FAM135A: variants seen among roughly 807,000 people sequenced by gnomAD.
The protein encoded by FAM135A is family with sequence similarity 135 member A.
FAM135A carries 79 observed loss-of-function variants against 146.8 expected under a neutral mutation model. The observed-to-expected ratio is 0.54, with a 90% confidence interval of 0.45 to 0.65. FAM135A has a LOEUF of 0.65. FAM135A is among the 30% of genes least tolerant of loss of function. The pLI is 0.00. For synonymous variants in FAM135A, 562 were observed against 603.6 expected, an observed-to-expected ratio of 0.93 and a Z score of 1.01; for missense variants, 1,623 against 1,758.2, an observed-to-expected ratio of 0.92 and a Z score of 1.38.
chr6:70,452,405 T>A lies in FAM135A; in HGVS notation c.78-87T>A. 3 of 973,742 alleles carry A rather than the reference T, an allele frequency of 3.1e-6. No homozygotes were observed. In the East Asian group the frequency reaches 8.1e-5, roughly 26 times the overall value. 60.3% of individuals were successfully genotyped at this position (973,742 alleles called of 1,614,324 possible). ...TGATATAATTAGGCCAACTTTATTA[T>A]TTTAATATGGATACAAATGTGGAAG... On this transcript the variant is annotated intron_variant, in intron 4 of 21. Coordinates refer to ENST00000418814, the MANE Select transcript of FAM135A (RefSeq NM_001162529.3).
At chr6:70,517,800 A>G (rs1224521867) in intron 12 of FAM135A, among the ~76,000 whole-genome samples, 2 of 152,146 alleles carry the variant, frequency 1.3e-5, no homozygotes, top group Non-Finnish European at 2.9e-5. Context: ...AATTGTTTTG[A>G]AGCACCACAG....
At chr6:70,419,274 C>T (rs933748914) in intron 2 of FAM135A, among the ~76,000 whole-genome samples, 1 of 152,164 alleles carries the variant, frequency 6.6e-6, no homozygotes, top group Non-Finnish European at 1.5e-5. Context: ...CAAAAATTAG[C>T]TGGGCGTGGT....
At chr6:70,425,846 G>T (rs1026502626) in intron 2 of FAM135A, among the ~76,000 whole-genome samples, 29 of 152,206 alleles carry the variant, frequency 1.9e-4, no homozygotes, top group African/African-American at 7.0e-4. Flanking sequence ...GCTCACGCCT[G>T]TAATCCCAGC....
chr6:70,486,876 G>A (rs1166821332), intron 10 of FAM135A, among the ~76,000 whole-genome samples: 5 of 151,744 alleles, frequency 3.3e-5, no homozygotes, highest in East Asian at 1.9e-4. Context: ...GCAGTGAGCC[G>A]AGATCGTGCC....
chr6:70,549,709 C>T (rs942005537), intron 20 of FAM135A, among the ~76,000 whole-genome samples: 2 of 152,116 alleles, frequency 1.3e-5, no homozygotes, highest in Non-Finnish European at 2.9e-5. Flanking sequence ...TTTTGCCAAT[C>T]AGGGTGGTGG....
Position 70,413,937 on chromosome 6 carries a change from C to T in FAM135A, c.-220+235C>T, listed in dbSNP as rs1320417432. On this transcript the variant is annotated intron_variant, in intron 1 of 21. Coordinates refer to ENST00000418814, the MANE Select transcript of FAM135A (RefSeq NM_001162529.3). ...GGAGGCGAGGGGCCGCGGCGCGCTG[C>T]TCTCCCGGTGCCCGCGGCCGCCCCT... 4.1e-6 allele frequency: 4 copies of T among 985,536 alleles called. No individual in the cohort carries two copies. In the South Asian group the frequency reaches 1.4e-4, roughly 35 times the overall value. 61.0% of individuals were successfully genotyped at this position (985,536 alleles called of 1,614,324 possible).
chr6:70,487,289 C>A (rs1416585853), intron 10 of FAM135A, among the ~76,000 whole-genome samples: 2 of 151,820 alleles, frequency 1.3e-5, no homozygotes, highest in African/African-American at 2.4e-5. Context: ...ATGTTCTGAT[C>A]TCATTATTTT....
rs1057283067 is a variant in FAM135A at position 70,525,917 on chromosome 6, G to T, written c.2833G>T (p.Asp945Tyr). The change falls in exon 15 of 22, where the codon GAT becomes TAT. Residue 945 changes from aspartate (D) to tyrosine (Y), a missense_variant. Asp to Tyr is a radical substitution (Grantham distance 160). Transcript: ENST00000418814. ...TAGTTGCAGCTCCAAACCTAACTTG[G>T]ATACTATGTGTAAAGGCTTCCAGAG... ...KSSCSSKPNL[D>Y]TMCKGFQSPD... The T allele has an allele frequency of 2.5e-6, 4 of 1,613,146 alleles. No individual in the cohort carries two copies. Among genetic ancestry groups the T allele is most frequent in the Non-Finnish European group, 3.4e-6 (4 of 1,179,576 alleles).
At chr6:70,556,652 C>CT (rs1371261064) in intron 20 of FAM135A, 98 bp from the exon 21 acceptor site, 28 of 730,598 alleles carry the variant, frequency 3.8e-5, no homozygotes, top group Non-Finnish European at 5.9e-5. Context: ...CTTAGTACTG[C>CT]TAAGGAAATT....
intron 20 of FAM135A, among the ~76,000 whole-genome samples, chr6:70,550,341 C>T (rs72917978): frequency 6.6e-6 from 1 of 152,168 alleles, no homozygotes; most frequent in Non-Finnish European, 1.5e-5. Context: ...CAGCTATCAC[C>T]TTACAAAATG....
chr6:70,552,785 A>C (rs1800080857), intron 20 of FAM135A, among the ~76,000 whole-genome samples: 1 of 152,026 alleles, frequency 6.6e-6, no homozygotes, highest in Non-Finnish European at 1.5e-5. Flanking sequence ...TTCAGTTCTA[A>C]AAATAAAAAA....
At chr6:70,506,628 G>A (rs1441008883) in intron 12 of FAM135A, among the ~76,000 whole-genome samples, 1 of 151,582 alleles carries the variant, frequency 6.6e-6, no homozygotes, top group East Asian at 1.9e-4. Flanking sequence ...TCTGTTTGAA[G>A]GTTATTTTTA....
chr6:70,527,364 T>C (rs1394896151), intron 15 of FAM135A, among the ~76,000 whole-genome samples: 1 of 152,100 alleles, frequency 6.6e-6, no homozygotes, highest in Non-Finnish European at 1.5e-5. Flanking sequence ...TCTTGGCATG[T>C]ATATATATAG....
In FAM135A at chr6:70,495,575, T is replaced by C. The variant is rs185695642; in HGVS notation, c.873+4492T>C. Among the ~76,000 whole-genome samples, 782 of 152,314 alleles carry C rather than the reference T, an allele frequency of 5.1e-3. 5 individuals carry two copies. Among genetic ancestry groups the C allele is most frequent in the South Asian group, 0.035 (169 of 4,828 alleles). On this transcript the variant is annotated intron_variant, in intron 11 of 21. Coordinates refer to ENST00000418814, the MANE Select transcript of FAM135A (RefSeq NM_001162529.3). ...ATAAACTGAGAGTAACAGTATCATA[T>C]GTGATAAGCAGCCTTTGGGGATACA...
At chr6:70,472,568 T>TC (rs1781829974) in intron 5 of FAM135A, among the ~76,000 whole-genome samples, 1 of 152,236 alleles carries the variant, frequency 6.6e-6, no homozygotes, top group South Asian at 2.1e-4. Context: ...CACGTTACTG[T>TC]CGTCTTATCC....
chr6:70,542,665 A>G (rs887828214), intron 20 of FAM135A, among the ~76,000 whole-genome samples: 2 of 152,066 alleles, frequency 1.3e-5, no homozygotes, highest in Non-Finnish European at 2.9e-5. Context: ...TCCCATATAT[A>G]CTTTTATGTC....
At chr6:70,527,611 G>A (rs1038035551) in intron 15 of FAM135A, among the ~76,000 whole-genome samples, 8 of 152,204 alleles carry the variant, frequency 5.3e-5, no homozygotes, top group African/African-American at 1.7e-4. Context: ...ACTCAGTTTA[G>A]TGTTCATCAG....
chr6:70,484,961 G>C (rs1014920530), intron 10 of FAM135A, among the ~76,000 whole-genome samples: 2 of 152,156 alleles, frequency 1.3e-5, no homozygotes, highest in Non-Finnish European at 2.9e-5. Flanking sequence ...ATGTAATATA[G>C]AAAGTATCGT....
chr6:70,421,714 C>G (rs1208316550), intron 2 of FAM135A, among the ~76,000 whole-genome samples: 3 of 152,160 alleles, frequency 2.0e-5, no homozygotes, highest in Admixed American at 6.5e-5. Flanking sequence ...CAGTAAGGAG[C>G]CCCATTTGAA....
Sources: gnomAD v4.1 joint callset for allele counts (sites outside exome capture counted in the v4.1 genomes callset) on GRCh38, gnomAD v4.1.1 for gene constraint, MANE v1.5 for transcripts, NCBI Gene and HGNC (gene_info 2026-07-23, HGNC 2026-07-21) for gene names.